The following TTF2 variants were observed in gnomAD, a reference collection of about 807,000 sequenced individuals.
TTF2 encodes the protein transcription termination factor 2, also known as RNA polymerase II termination factor.
A neutral mutation model predicts 142.4 loss-of-function variants in TTF2; 108 were observed. The ratio of observed to expected loss-of-function variants is 0.76; its 90% CI spans 0.65 to 0.89. The LOEUF is 0.89. Ranked by LOEUF, TTF2 falls within the 40% of genes least tolerant of loss-of-function variation. TTF2 has a pLI of 0.00. For synonymous variants in TTF2, 483 were observed against 506.2 expected (o/e 0.95, Z 0.61); for missense variants, 1,327 against 1,379.8 (o/e 0.96, Z 0.61).
rs1459481267 is a variant in TTF2 at position 117,076,615 on chromosome 1, C to G, written c.1391-26C>G. On this transcript the variant is annotated intron_variant, in intron 6 of 22. Transcript: ENST00000369466. This position sits in a 1 kb window ranked among gnomAD's most constrained non-coding sequence, Gnocchi z 4.6. ...TTCACTTAGTTTGCTGAACTTTAAT[C>G]TGCTCTTCCCTTGTTTTCTGAGCAG... 1 of 1,583,816 alleles carries G rather than the reference C, an allele frequency of 6.3e-7. No individual in the cohort carries two copies. The highest frequency in any genetic ancestry group is 8.6e-7 in the Non-Finnish European group (1 of 1,163,218).
chr1:117,083,896 G>A, intron 10 of TTF2, 122 bp from the exon 11 acceptor site: 1 of 1,175,602 alleles, frequency 8.5e-7, no homozygotes, highest in Admixed American at 2.1e-5. Context: ...AGGATCACTT[G>A]AGCCTAGGAG....
At chr1:117,083,771 CAT>C (rs1491172523) in intron 10 of TTF2, among the ~76,000 whole-genome samples, 1 of 152,118 alleles carries the variant, frequency 6.6e-6, no homozygotes, top group African/African-American at 2.4e-5. Context: ...AATGGTTAAA[CAT>C]ATTAATTGAA....
rs1265093280 is a variant in TTF2 at position 117,079,971 on chromosome 1, T to C, written c.1783+322T>C. ...CGAGGCCAATTTCAGGAGCCATGGC[T>C]AGAGCCAACACACAAACAGCAGTCT... is the stretch of plus-strand genomic sequence containing the variant. On this transcript the variant is annotated intron_variant, in intron 9 of 22. Transcript: ENST00000369466. The surrounding 1 kb of genome is among the most constrained non-coding windows in gnomAD (Gnocchi z 4.2). 6.6e-6 allele frequency among the ~76,000 whole-genome samples: 1 copy of C among 151,628 alleles called. No homozygotes were observed. Among genetic ancestry groups the C allele is most frequent in the Non-Finnish European group, 1.5e-5 (1 of 67,966 alleles).
intron 19 of TTF2, 119 bp downstream of exon 19, chr1:117,095,486 AGCACAC>A: frequency 1.2e-6 from 1 of 855,876 alleles, no homozygotes. Context: ...CTGAGGTTAT[AGCACAC>A]ATTCCCTGTG....
At position 117,074,858 on chromosome 1, in the gene TTF2, T is replaced by C. The variant is rs772111551; in HGVS notation, c.286-12T>C. ...TAATATTTTATATGAAGATTAATTA[T>C]TTTGTCTTTAGGATCCTGATTCCAA... On this transcript the variant is annotated splice_polypyrimidine_tract_variant and intron_variant, in intron 4 of 22. Coordinates refer to ENST00000369466, the MANE Select transcript of TTF2 (RefSeq NM_003594.4). 187 of 1,549,342 alleles carry C rather than the reference T, an allele frequency of 1.2e-4. No individual in the cohort carries two copies. The highest frequency in any genetic ancestry group is 1.1e-5 in the Non-Finnish European group (13 of 1,154,546).
rs1285033006 is a variant in TTF2, at chr1:117,070,971, C to T, written c.219-2690C>T. Among the ~76,000 whole-genome samples the T allele has an allele frequency of 6.6e-6, 1 of 151,784 alleles. No individual in the cohort carries two copies. The highest frequency in any genetic ancestry group is 1.5e-5 in the Non-Finnish European group (1 of 67,994). On this transcript the variant is annotated intron_variant, in intron 3 of 22. Transcript: ENST00000369466. The surrounding 1 kb of genome is among the most constrained non-coding windows in gnomAD (Gnocchi z 4.2). ...GTGATTCATGTTGTACATCATGGGA[C>T]TAATTTAGGAAGTTAGAAAAAGAAC...
chr1:117,091,774 T>C (rs758930653), intron 16 of TTF2, 43 bp from the exon 17 acceptor site: 2 of 1,590,546 alleles, frequency 1.3e-6, no homozygotes, highest in African/African-American at 1.3e-5. Context: ...TATTTCTCTT[T>C]TAAATCCTGT....
rs1655820333 is a variant in TTF2 at position 117,063,165 on chromosome 1, A to G, written c.218+692A>G. ...ATGCACTTCATAATTTATATATTCT[A>G]GATCCCCCCACCCAATTAAAGGCAT... is the stretch of plus-strand genomic sequence containing the variant. On this transcript the variant is annotated intron_variant, in intron 3 of 22. Coordinates refer to ENST00000369466, the MANE Select transcript of TTF2 (RefSeq NM_003594.4). This position sits in a 1 kb window ranked among gnomAD's most constrained non-coding sequence, Gnocchi z 4.1. 1.3e-5 allele frequency among the ~76,000 whole-genome samples: 2 copies of G among 152,204 alleles called. No individual in the cohort carries two copies. Among genetic ancestry groups the G allele is most frequent in the African/African-American group, 4.8e-5 (2 of 41,456 alleles).
chr1:117,060,509 G>GCTT lies in TTF2; in HGVS notation c.86_88dup (p.Phe29dup). ...CGCGATGGCCCGAATAAAGGAAAGA[G>GCTT]CTTCTACGTGTGCCGGGCAGACACG... is the stretch of plus-strand genomic sequence containing the variant. On this transcript the variant is annotated inframe_insertion, in exon 2 of 23. Transcript: ENST00000369466. 6.2e-7 allele frequency: 1 copy of GCTT among 1,614,096 alleles called. No individual in the cohort carries two copies. The highest frequency in any genetic ancestry group is 2.2e-5 in the East Asian group (1 of 44,882).
rs544511918 is a variant in TTF2, at chr1:117,080,008, CTTTTT to C, written c.1783+373_1783+377del. On this transcript the variant is annotated intron_variant, in intron 9 of 22. Coordinates refer to ENST00000369466, the MANE Select transcript of TTF2 (RefSeq NM_003594.4). This position sits in a 1 kb window ranked among gnomAD's most constrained non-coding sequence, Gnocchi z 4.3. ...ACAAACAGCAGTCTATTGCCTCCCT[CTTTTT>C]TTTTTTTTTTTTTGAGATGGAGTTT... Among the ~76,000 whole-genome samples, 2 of 138,960 alleles carry C rather than the reference CTTTTT, an allele frequency of 1.4e-5. No individual in the cohort carries two copies. Among genetic ancestry groups the C allele is most frequent in the African/African-American group, 2.6e-5 (1 of 38,034 alleles). 91.2% of individuals were successfully genotyped at this position (138,960 alleles called of 152,430 possible).
rs755977445 is a variant in TTF2, at chr1:117,076,821, G to A, written c.1571G>A (p.Arg524Gln). Reference sequence around the variant, plus strand: ...GCTGGAGGATCCAGTCAGTGCTATCGAGGTAAGACCCAAGGGCCTGACCCT... The same window carrying A: ...GCTGGAGGATCCAGTCAGTGCTATCAAGGTAAGACCCAAGGGCCTGACCCT... ...VTAGGSSQCY[R>Q]GHTNQDHVHA... is the part of the protein sequence containing the mutation. Residue 524 changes from arginine (R) to glutamine (Q), a missense_variant and splice_region_variant, in exon 7 of 23, where the codon CGA becomes CAA. Transcript: ENST00000369466. The surrounding 1 kb of genome is among the most constrained non-coding windows in gnomAD (Gnocchi z 4.6). 9 of 1,611,350 alleles carry A rather than the reference G, an allele frequency of 5.6e-6. No individual in the cohort carries two copies. Among genetic ancestry groups the A allele is most frequent in the East Asian group, 2.2e-5 (1 of 44,852 alleles).
chr1:117,101,996 G>A lies in TTF2; in HGVS notation c.*472G>A, dbSNP rs1226329743. The stretch of plus-strand genomic sequence containing the variant: ...ATCTCTATGAAGAATAAAAAAATGA[G>A]CTAGGCGTGGTAGTGCACACCTGTA... On this transcript the variant is annotated 3_prime_UTR_variant, in exon 23 of 23. Transcript: ENST00000369466. This position sits in a 1 kb window ranked among gnomAD's most constrained non-coding sequence, Gnocchi z 5.9. 2 of 152,764 alleles carry A rather than the reference G, an allele frequency of 1.3e-5. No homozygotes were observed. Among genetic ancestry groups the A allele is most frequent in the Non-Finnish European group, 2.9e-5 (2 of 68,556 alleles). The allele number at this position is 152,764 out of a possible 1,614,324, so 9.5% of individuals were successfully genotyped here.
At chr1:117,065,554 G>A (rs567295682) in intron 3 of TTF2, among the ~76,000 whole-genome samples, 14 of 152,032 alleles carry the variant, frequency 9.2e-5, no homozygotes, top group Admixed American at 2.0e-4. Flanking sequence ...CCGGGATCGC[G>A]CCACCGCACT....
chr1:117,062,491 A>G lies in TTF2; in HGVS notation c.218+18A>G, dbSNP rs1347360465. ...GAATACAGGTAAGGGTCCAAAAGGA[A>G]CATCTAAGTGTATTTGCTTTTTTTT... On this transcript the variant is annotated intron_variant, in intron 3 of 22. Transcript: ENST00000369466. 1 of 1,593,288 alleles carries G rather than the reference A, an allele frequency of 6.3e-7. No homozygotes were observed. Among genetic ancestry groups the G allele is most frequent in the Non-Finnish European group, 8.5e-7 (1 of 1,172,954 alleles).
chr1:117,082,031 C>T (rs750670744), intron 10 of TTF2, 84 bp downstream of exon 10: 4 of 1,590,210 alleles, frequency 2.5e-6, no homozygotes, highest in East Asian at 2.2e-5. Flanking sequence ...TAAAAAAGGA[C>T]ACCTTTGGTC....
chr1:117,101,449 A>G lies in TTF2; in HGVS notation c.3414A>G (p.Lys1138=). ...QLQEKKKDLA[K]QVLSGSGESV... is the part of the protein sequence containing the mutation. ...AAGAAAAAAAGAAAGATTTGGCCAA[A>G]CAAGTTCTATCAGGGTCTGGAGAAT... The change falls in exon 23 of 23, where the codon AAA becomes AAG. Residue 1138 remains lysine, a synonymous_variant. Coordinates refer to ENST00000369466, the MANE Select transcript of TTF2 (RefSeq NM_003594.4). The surrounding 1 kb of genome is among the most constrained non-coding windows in gnomAD (Gnocchi z 5.9). The G allele has an allele frequency of 6.2e-7, 1 of 1,611,674 alleles. No individual in the cohort carries two copies. Among genetic ancestry groups the G allele is most frequent in the Non-Finnish European group, 8.5e-7 (1 of 1,179,562 alleles).
chr1:117,075,598 G>A lies in TTF2; in HGVS notation c.1014G>A (p.Gly338=). 6.2e-7 allele frequency: 1 copy of A among 1,614,160 alleles called. No individual in the cohort carries two copies. The highest frequency in any genetic ancestry group is 8.5e-7 in the Non-Finnish European group (1 of 1,180,020). The change falls in exon 5 of 23, where the codon GGG becomes GGA. Residue 338 remains glycine, a synonymous_variant. Coordinates refer to ENST00000369466, the MANE Select transcript of TTF2 (RefSeq NM_003594.4). This position sits in a 1 kb window ranked among gnomAD's most constrained non-coding sequence, Gnocchi z 4.5. ...CTCAGGCTGCACCAGCAGCACCAGGGCTTTCCCTGGGTGAGGGCCGTGAAG... is the reference window on the plus strand; with the variant it reads ...CTCAGGCTGCACCAGCAGCACCAGGACTTTCCCTGGGTGAGGGCCGTGAAG... The part of the protein sequence containing the change: ...PAAQAAPAAP[G]LSLGEGREAA...
At position 117,090,464 on chromosome 1, in the gene TTF2, G is replaced by T; in HGVS notation, c.2497-68G>T. 1 of 1,451,984 alleles carries T rather than the reference G, an allele frequency of 6.9e-7. No individual in the cohort carries two copies. Among genetic ancestry groups the T allele is most frequent in the South Asian group, 1.2e-5 (1 of 83,364 alleles). 89.9% of individuals were successfully genotyped at this position (1,451,984 alleles called of 1,614,324 possible). On this transcript the variant is annotated intron_variant, in intron 14 of 22. Transcript: ENST00000369466. The surrounding 1 kb of genome is among the most constrained non-coding windows in gnomAD (Gnocchi z 4.8). ...GACTAGATATGCAGTGTCAGTATGGGGAATTTGTTCTATAATAGGCAGTTA... is the reference window on the plus strand; with the variant it reads ...GACTAGATATGCAGTGTCAGTATGGTGAATTTGTTCTATAATAGGCAGTTA...
chr1:117,098,713 CTG>C, intron 21 of TTF2, 118 bp from the exon 22 acceptor site: 1 of 815,866 alleles, frequency 1.2e-6, no homozygotes, highest in East Asian at 2.6e-5. Context: ...CCCTTTAAAA[CTG>C]TAACAATAAT....
Sources: allele counts gnomAD v4.1 joint callset (sites outside exome capture counted in the v4.1 genomes callset), GRCh38; gene constraint gnomAD v4.1.1; non-coding constraint Gnocchi (gnomAD v3.1); transcripts MANE v1.5; gene names NCBI Gene and HGNC (gene_info 2026-07-23, HGNC 2026-07-21).